Variants in ZNF561 observed in about 807,000 individuals in gnomAD.
The protein encoded by ZNF561 is zinc finger protein 561.
In ZNF561, 16 loss-of-function variants were observed where a neutral mutation model predicts 16.7. The observed-to-expected ratio is 0.96, with a 90% CI of 0.65 to 1.45. The LOEUF is 1.45. ZNF561 is among the 40% of genes most tolerant of loss of function. The pLI is 0.00. For missense variants in ZNF561, 580 were observed against 578.0 expected (o/e 1.00, Z -0.04); for synonymous variants, 190 against 192.1 (o/e 0.99, Z 0.09).
intron 4 of ZNF561, among the ~76,000 whole-genome samples, chr19:9,615,511 C>A (rs1419309974): frequency 6.6e-6 from 1 of 151,980 alleles, no homozygotes; most frequent in Non-Finnish European, 1.5e-5. Context: ...GCAGGAGAAT[C>A]ACCTGAACCT....
chr19:9,614,726 TA>T (rs1316061686), intron 4 of ZNF561, among the ~76,000 whole-genome samples: 5 of 152,106 alleles, frequency 3.3e-5, no homozygotes, highest in African/African-American at 4.8e-5. Flanking sequence ...ACAGAACAGG[TA>T]GTTTTATTAG....
intron 4 of ZNF561, among the ~76,000 whole-genome samples, chr19:9,615,866 G>C (rs1193065349): frequency 6.6e-6 from 1 of 151,980 alleles, no homozygotes; most frequent in Admixed American, 6.6e-5. Context: ...TCTAGCCTGG[G>C]TGATGGAGTG....
At chr19:9,613,744 T>C (rs539854575) in intron 5 of ZNF561, among the ~76,000 whole-genome samples, 1 of 152,352 alleles carries the variant, frequency 6.6e-6, no homozygotes, top group Non-Finnish European at 1.5e-5. Context: ...CTCAAACTCC[T>C]GACCTCAAGT....
intron 1 of ZNF561, among the ~76,000 whole-genome samples, chr19:9,619,873 A>ACATC (rs2074630482): frequency 1.1e-5 from 1 of 90,740 alleles, no homozygotes; most frequent in African/African-American, 3.4e-5. Flanking sequence ...TTATCTATCT[A>ACATC]TATCTATCTA....
Position 9,608,519 on chromosome 19 carries a change from G to A in ZNF561, c.*1681C>T, listed in dbSNP as rs1199521792. 2 of 152,098 alleles carry A rather than the reference G, an allele frequency of 1.3e-5. 1 individual carries two copies. The highest frequency in any genetic ancestry group is 1.3e-4 in the Admixed American group (2 of 15,246). 9.4% of individuals were successfully genotyped at this position (152,098 alleles called of 1,614,324 possible). On this transcript the variant is annotated 3_prime_UTR_variant, in exon 6 of 6. Transcript: ENST00000302851. ...TAAGCCATTTGGTCTGTGGTATTTT[G>A]TGATAGTGGCCTGAGCTCATTAAGG...
intron 4 of ZNF561, among the ~76,000 whole-genome samples, chr19:9,615,978 T>C (rs1413763552): frequency 1.3e-5 from 2 of 152,140 alleles, no homozygotes; most frequent in African/African-American, 4.8e-5. Context: ...TCAAACATGA[T>C]AGTATATTAG....
At position 9,611,265 on chromosome 19, in the gene ZNF561, G is replaced by A. The variant is rs1199946407; in HGVS notation, c.396C>T (p.Cys132=). 1.2e-6 allele frequency: 2 copies of A among 1,613,864 alleles called. No individual in the cohort carries two copies. Among genetic ancestry groups the A allele is most frequent in the East Asian group, 2.2e-5 (1 of 44,862 alleles). ...TCTGAACTCTCATGTGTGTCTTAAG[G>A]CAAAACTGTTCCCTGAAGACCTCTC... ...NCGEVFREQF[C]LKTHMRVQNG... The change falls in exon 6 of 6, where the codon TGC becomes TGT. Residue 132 remains cysteine, a synonymous_variant. Transcript: ENST00000302851.
intron 5 of ZNF561, among the ~76,000 whole-genome samples, chr19:9,613,093 A>G (rs1252433472): frequency 2.6e-5 from 4 of 152,122 alleles, no homozygotes; most frequent in African/African-American, 9.7e-5. Flanking sequence ...ACCCAGTCAA[A>G]TAGTGTAGAT....
intron 3 of ZNF561, chr19:9,617,409 AT>A: frequency 2.4e-6 from 2 of 834,686 alleles, no homozygotes; most frequent in Non-Finnish European, 3.1e-6. Context: ...TTGCTGATCT[AT>A]TTTTAATTTT....
chr19:9,619,228 G>A (rs1366775007), intron 2 of ZNF561: 1 of 296,760 alleles, frequency 3.4e-6, no homozygotes, highest in Non-Finnish European at 6.0e-6. Flanking sequence ...CTGCACTCCA[G>A]CCTGGGTGAC....
chr19:9,614,235 C>T (rs2144885762), intron 4 of ZNF561, 132 bp from the exon 5 acceptor site: 1 of 1,148,558 alleles, frequency 8.7e-7, no homozygotes, highest in Non-Finnish European at 1.2e-6. Flanking sequence ...GATTTTGGTA[C>T]ATCAAAAATT....
chr19:9,620,629 C>T (rs989295139), intron 1 of ZNF561, among the ~76,000 whole-genome samples: 22 of 152,254 alleles, frequency 1.4e-4, no homozygotes, highest in Non-Finnish European at 4.4e-5. Context: ...GGTGTTACCC[C>T]CCCGCCATAT....
intron 2 of ZNF561, among the ~76,000 whole-genome samples, chr19:9,618,904 G>A (rs887230999): frequency 6.6e-6 from 1 of 152,046 alleles, no homozygotes. Flanking sequence ...ATCACTTGAG[G>A]TCAGGAATTT....
Position 9,611,179 on chromosome 19 carries a change from T to G in ZNF561, c.482A>C (p.Glu161Ala), listed in dbSNP as rs1216225504. ...YGKDTLSVHKEASTGQELSKF... is the reference protein window; with the variant it reads ...YGKDTLSVHKAASTGQELSKF... ...GGAAAGTTCCTGTCCAGTAGAGGCT[T>G]CCTTGTGCACACTGAGGGTGTCTTT... Residue 161 changes from glutamate to alanine, a missense_variant, in exon 6 of 6, where the codon GAA (glutamate) becomes GCA (alanine). Transcript: ENST00000302851. 1.9e-6 allele frequency: 3 copies of G among 1,613,850 alleles called. No individual in the cohort carries two copies. Among genetic ancestry groups the G allele is most frequent in the Non-Finnish European group, 2.5e-6 (3 of 1,179,872 alleles).
intron 1 of ZNF561, among the ~76,000 whole-genome samples, chr19:9,619,921 C>CTATCTATCTATCTATCTATCTAT (rs1555692401): frequency 5.2e-5 from 6 of 116,140 alleles, no homozygotes; most frequent in Admixed American, 1.7e-4. Context: ...CTATATCTAT[C>CTATCTATCTATCTATCTATCTAT]CTATCTATCT....
At position 9,618,072 on chromosome 19, in the gene ZNF561, C is replaced by A; in HGVS notation, c.114+19G>T. The A allele has an allele frequency of 6.5e-7, 1 of 1,545,100 alleles. No homozygotes were observed. The highest frequency in any genetic ancestry group is 8.8e-7 in the Non-Finnish European group (1 of 1,141,438). On this transcript the variant is annotated intron_variant, in intron 3 of 5. Transcript: ENST00000302851. ...GATGAAAGCATATCATTTTTAACAA[C>A]AGTACGTTTTCTGCTTACCTGATAA...
Position 9,619,418 on chromosome 19 carries a change from C to A in ZNF561, c.25+14G>T, listed in dbSNP as rs553475271. 5 of 1,612,558 alleles carry A rather than the reference C, an allele frequency of 3.1e-6. No homozygotes were observed. The highest frequency in any genetic ancestry group is 4.2e-6 in the Non-Finnish European group (5 of 1,179,082). On this transcript the variant is annotated intron_variant, in intron 2 of 5. Transcript: ENST00000302851. ...AAGCAGAATCTCTGAAAAAGAGCATCAACAAAGACTTACCACGGGACAAAT... is the reference window on the plus strand; with the variant it reads ...AAGCAGAATCTCTGAAAAAGAGCATAAACAAAGACTTACCACGGGACAAAT...
intron 5 of ZNF561, among the ~76,000 whole-genome samples, chr19:9,611,748 T>C (rs2074462684): frequency 6.6e-6 from 1 of 151,538 alleles, no homozygotes; most frequent in Non-Finnish European, 1.5e-5. Flanking sequence ...CCCAGTATGT[T>C]TCACTTTTTT....
chr19:9,610,699 G>A lies in ZNF561; in HGVS notation c.962C>T (p.Ser321Leu). The change falls in exon 6 of 6, where the codon TCA becomes TTA. Residue 321 changes from serine (S) to leucine (L), a missense_variant. By Grantham distance (145) the Ser-to-Leu change is moderately radical (BLOSUM62 -2). Coordinates refer to ENST00000302851, the MANE Select transcript of ZNF561 (RefSeq NM_152289.3). ...CTYCGKAFTR[S>L]TQLTEHVRTH... Reference sequence around the variant, plus strand: ...TCTTACATGTTCAGTAAGTTGAGTTGATCTAGTGAAGGCTTTCCCACAGTA... The same window carrying A: ...TCTTACATGTTCAGTAAGTTGAGTTAATCTAGTGAAGGCTTTCCCACAGTA... The A allele has an allele frequency of 6.2e-7, 1 of 1,614,156 alleles. No individual in the cohort carries two copies. The highest frequency in any genetic ancestry group is 1.1e-5 in the South Asian group (1 of 91,074).
Sources: gnomAD v4.1 joint callset for allele counts (sites outside exome capture counted in the v4.1 genomes callset) on GRCh38, gnomAD v4.1.1 for gene constraint, MANE v1.5 for transcripts, NCBI Gene and HGNC (gene_info 2026-07-23, HGNC 2026-07-21) for gene names.